The following SCAI variants were observed in gnomAD, a reference collection of about 807,000 sequenced individuals.
SCAI encodes the protein protein SCAI.
SCAI carries 24 observed loss-of-function variants against 92.2 expected under a neutral mutation model. The observed-to-expected ratio is 0.26, with a 90% CI of 0.19 to 0.37. SCAI has a LOEUF of 0.37. Ranked by LOEUF, SCAI falls within the 10% of genes least tolerant of loss-of-function variation. The pLI, the probability that SCAI is intolerant of heterozygous loss-of-function variation, is 1.00. For missense variants in SCAI, 450 were observed against 736.2 expected, an observed-to-expected ratio of 0.61 and a Z score of 4.50; for synonymous variants, 261 against 258.6, an observed-to-expected ratio of 1.01 and a Z score of -0.09.
At chr9:125,090,847 G>A (rs1252032969) in intron 2 of SCAI, among the ~76,000 whole-genome samples, 6 of 152,196 alleles carry the variant, frequency 3.9e-5, no homozygotes, top group Middle Eastern at 3.4e-3. Flanking sequence ...AGCTGGGCAC[G>A]GTGGCTCATG....
At chr9:125,112,510 C>T (rs1288249429) in intron 2 of SCAI, among the ~76,000 whole-genome samples, 1 of 152,208 alleles carries the variant, frequency 6.6e-6, no homozygotes, top group Admixed American at 6.5e-5. Context: ...GCCATATAGT[C>T]TCTGTCATAA....
intron 14 of SCAI, among the ~76,000 whole-genome samples, chr9:124,981,370 CTT>C (rs1831882222): frequency 6.6e-6 from 1 of 152,116 alleles, no homozygotes; most frequent in Admixed American, 6.6e-5. Flanking sequence ...CCGAACAACT[CTT>C]GTTATTGTTT....
intron 2 of SCAI, among the ~76,000 whole-genome samples, chr9:125,133,114 G>A (rs1024743506): frequency 2.6e-5 from 4 of 152,178 alleles, no homozygotes; most frequent in African/African-American, 7.2e-5. Context: ...TTGTGGCCAG[G>A]CACAGTGGCT....
At chr9:125,043,157 T>G (rs948456483) in intron 3 of SCAI, among the ~76,000 whole-genome samples, 4 of 151,490 alleles carry the variant, frequency 2.6e-5, no homozygotes, top group Non-Finnish European at 4.4e-5. Flanking sequence ...CGTGAGCCAC[T>G]GTGCCTGGCC....
chr9:125,048,360 T>A (rs543848106), intron 3 of SCAI, among the ~76,000 whole-genome samples: 2 of 152,300 alleles, frequency 1.3e-5, no homozygotes, highest in Admixed American at 1.3e-4. Flanking sequence ...GCAAGTCCAA[T>A]TCTTCTGGTG....
chr9:125,034,601 T>C (rs1319248034), intron 3 of SCAI, among the ~76,000 whole-genome samples: 1 of 151,894 alleles, frequency 6.6e-6, no homozygotes, highest in Non-Finnish European at 1.5e-5. Context: ...AAAAATAAAT[T>C]TGCCAGGCGT....
chr9:125,057,009 G>T (rs1184957291), intron 2 of SCAI, among the ~76,000 whole-genome samples: 1 of 152,152 alleles, frequency 6.6e-6, no homozygotes, highest in Non-Finnish European at 1.5e-5. Flanking sequence ...GAAAACAACA[G>T]TAAGTTGTCA....
chr9:125,101,249 T>C (rs1434630763), intron 2 of SCAI, among the ~76,000 whole-genome samples: 1 of 152,166 alleles, frequency 6.6e-6, no homozygotes, highest in Non-Finnish European at 1.5e-5. Flanking sequence ...CAAGGAGTGA[T>C]GTGATTTGAC....
At chr9:124,996,486 A>G (rs1832241999) in intron 13 of SCAI, among the ~76,000 whole-genome samples, 1 of 151,844 alleles carries the variant, frequency 6.6e-6, no homozygotes, top group Non-Finnish European at 1.5e-5. Context: ...CATTTTTAGT[A>G]GAGACAAGAT....
At chr9:124,964,201 T>A (rs1322637353) in intron 17 of SCAI, among the ~76,000 whole-genome samples, 1 of 152,220 alleles carries the variant, frequency 6.6e-6, no homozygotes, top group Non-Finnish European at 1.5e-5. Flanking sequence ...TTTCTGCCAC[T>A]GCTTCTTCTA....
At chr9:125,100,150 A>G (rs1834649105) in intron 2 of SCAI, among the ~76,000 whole-genome samples, 1 of 152,266 alleles carries the variant, frequency 6.6e-6, no homozygotes, top group Non-Finnish European at 1.5e-5. Flanking sequence ...ATATCAGTGT[A>G]TTCTACAGAT....
intron 4 of SCAI, among the ~76,000 whole-genome samples, chr9:125,029,165 G>A (rs907139164): frequency 6.6e-6 from 1 of 151,898 alleles, no homozygotes; most frequent in African/African-American, 2.4e-5. Context: ...TGTTGCCCAA[G>A]CTGGAATGCA....
intron 3 of SCAI, among the ~76,000 whole-genome samples, chr9:125,053,772 C>T (rs1833609716): frequency 6.6e-6 from 1 of 152,124 alleles, no homozygotes; most frequent in Admixed American, 6.5e-5. Flanking sequence ...ACATACCAAA[C>T]TTTTCAACTG....
chr9:125,139,025 G>T (rs777508016), intron 2 of SCAI, among the ~76,000 whole-genome samples: 10 of 152,178 alleles, frequency 6.6e-5, no homozygotes, highest in African/African-American at 1.9e-4. Context: ...GAGGGAGGGT[G>T]GGGGGAAGCC....
At chr9:125,044,488 C>T (rs1422676553) in intron 3 of SCAI, among the ~76,000 whole-genome samples, 1 of 152,142 alleles carries the variant, frequency 6.6e-6, no homozygotes, top group East Asian at 1.9e-4. Flanking sequence ...AAGAGCTGGA[C>T]ACTTGCCTGG....
intron 17 of SCAI, among the ~76,000 whole-genome samples, chr9:124,970,745 A>AAATG (rs1831642149): frequency 6.6e-6 from 1 of 152,102 alleles, no homozygotes; most frequent in African/African-American, 2.4e-5. Context: ...ATAAATAAAT[A>AAATG]AAATTCAGGA....
Position 124,949,105 on chromosome 9 carries a change from T to G in SCAI, c.*3702A>C, listed in dbSNP as rs1194692892. ...TGGGCGTGGTGGCTCATGCCTGTAA[T>G]CCCAGCACTTTGGGAGGCCGAGGCC... On this transcript the variant is annotated 3_prime_UTR_variant, in exon 18 of 18. Coordinates refer to ENST00000336505, the MANE Select transcript of SCAI (RefSeq NM_001144877.3). The surrounding 1 kb of genome is among the most constrained non-coding windows in gnomAD (Gnocchi z 4.0). The G allele has an allele frequency of 1.3e-5, 2 of 152,448 alleles. No homozygotes were observed. The highest frequency in any genetic ancestry group is 4.8e-5 in the African/African-American group (2 of 41,470). The allele number at this position is 152,448 out of a possible 1,614,324, so 9.4% of individuals were successfully genotyped here. A position where few individuals can be genotyped will look rare whatever the true frequency, so the allele number is the denominator to read the frequency against.
At chr9:125,010,029 C>G (rs1460021185) in intron 9 of SCAI, among the ~76,000 whole-genome samples, 1 of 152,148 alleles carries the variant, frequency 6.6e-6, no homozygotes, top group Non-Finnish European at 1.5e-5. Context: ...CCTGTCTCTA[C>G]TAAAAATACA....
At chr9:125,085,729 C>T (rs987984248) in intron 2 of SCAI, among the ~76,000 whole-genome samples, 1 of 152,056 alleles carries the variant, frequency 6.6e-6, no homozygotes, top group African/African-American at 2.4e-5. Context: ...TGCAGTGAGC[C>T]GTGATCGCAC....
Sources: gnomAD v4.1 joint callset for allele counts (sites outside exome capture counted in the v4.1 genomes callset) on GRCh38, gnomAD v4.1.1 for gene constraint, Gnocchi (gnomAD v3.1) non-coding constraint, MANE v1.5 for transcripts, NCBI Gene and HGNC (gene_info 2026-07-23, HGNC 2026-07-21) for gene names.